N4BP1: variants seen among roughly 807,000 people sequenced by gnomAD.
N4BP1 encodes the protein NEDD4 binding protein 1.
A neutral mutation model predicts 70.9 loss-of-function variants in N4BP1; 21 were observed. The ratio of observed to expected loss-of-function variants is 0.30; its 90% CI spans 0.21 to 0.43. The LOEUF (loss-of-function observed/expected upper bound fraction) is 0.43, where lower values mean the gene tolerates loss of function less well. Among genes scored for constraint, N4BP1 ranks in the 20% least tolerant of loss-of-function variants. The probability of loss-of-function intolerance (pLI) is 1.00; values close to 1 mark genes in which losing one functional copy is unlikely to be tolerated. For synonymous variants in N4BP1, 387 were observed against 394.6 expected, an observed-to-expected ratio of 0.98 and a Z score of 0.23; for missense variants, 936 against 1,069.4, an observed-to-expected ratio of 0.88 and a Z score of 1.74.
At chr16:48,588,984 C>A (rs571816805) in intron 1 of N4BP1, among the ~76,000 whole-genome samples, 2 of 152,098 alleles carry the variant, frequency 1.3e-5, no homozygotes, top group Non-Finnish European at 2.9e-5. Flanking sequence ...CAATGTACAT[C>A]CTAGGAGAAT....
At chr16:48,605,282 G>A (rs570730783) in intron 1 of N4BP1, among the ~76,000 whole-genome samples, 14 of 152,158 alleles carry the variant, frequency 9.2e-5, no homozygotes, top group South Asian at 2.1e-4. Flanking sequence ...CAGACCACTC[G>A]GCATCCCAAA....
At chr16:48,583,172 C>T (rs1597106107) in intron 1 of N4BP1, among the ~76,000 whole-genome samples, 1 of 152,070 alleles carries the variant, frequency 6.6e-6, no homozygotes, top group East Asian at 1.9e-4. Flanking sequence ...GATTCCAGGA[C>T]CCTTTTGCAA....
At chr16:48,608,038 T>A (rs1454331879) in intron 1 of N4BP1, among the ~76,000 whole-genome samples, 2 of 152,182 alleles carry the variant, frequency 1.3e-5, no homozygotes, top group Admixed American at 6.5e-5. Flanking sequence ...ATTTTTTGTA[T>A]TTTTAGTAGA....
chr16:48,542,803 A>T lies in N4BP1; in HGVS notation c.*101T>A, dbSNP rs2151083702. 1 of 1,115,642 alleles carries T rather than the reference A, an allele frequency of 9.0e-7. No individual in the cohort carries two copies. The highest frequency in any genetic ancestry group is 1.6e-5 in the African/African-American group (1 of 64,018). The allele number at this position is 1,115,642 out of a possible 1,614,324, so 69.1% of individuals were successfully genotyped here. A position where few individuals can be genotyped will look rare whatever the true frequency, so the allele number is the denominator to read the frequency against. ...TCTGTACAACTGCGTTTACACTGGGAAATAAGTTTCTTCACATTATGTTCA... is the reference window on the plus strand; with the variant it reads ...TCTGTACAACTGCGTTTACACTGGGTAATAAGTTTCTTCACATTATGTTCA... On this transcript the variant is annotated 3_prime_UTR_variant, in exon 7 of 7. Transcript: ENST00000262384.
At chr16:48,550,903 AG>A (rs2151086137) in intron 4 of N4BP1, among the ~76,000 whole-genome samples, 1 of 152,032 alleles carries the variant, frequency 6.6e-6, no homozygotes, top group East Asian at 1.9e-4. Context: ...GCGTTGACAG[AG>A]TAAGACTCCA....
At chr16:48,567,930 C>G (rs1963966277) in intron 1 of N4BP1, among the ~76,000 whole-genome samples, 1 of 152,126 alleles carries the variant, frequency 6.6e-6, no homozygotes, top group African/African-American at 2.4e-5. Context: ...CTTAAACTCT[C>G]ACATACCAAG....
intron 1 of N4BP1, among the ~76,000 whole-genome samples, chr16:48,597,185 T>G (rs1264439593): frequency 3.9e-5 from 6 of 152,208 alleles, no homozygotes; most frequent in African/African-American, 7.2e-5. Context: ...GCCAGCTCTG[T>G]GTGAATTACT....
In N4BP1 at chr16:48,579,809, G is replaced by A. The variant is rs764108648; in HGVS notation, c.199-17365C>T. 3.3e-5 allele frequency among the ~76,000 whole-genome samples: 5 copies of A among 152,110 alleles called. No individual in the cohort carries two copies. In the East Asian group the frequency reaches 5.8e-4, roughly 18 times the overall value. ...AATGGAAAACCAAAAGAAAGCAGGC[G>A]TAGCTATACTTATATCAGATAAAAT... On this transcript the variant is annotated intron_variant, in intron 1 of 6. Transcript: ENST00000262384.
At chr16:48,596,842 A>G (rs1964421106) in intron 1 of N4BP1, among the ~76,000 whole-genome samples, 1 of 152,232 alleles carries the variant, frequency 6.6e-6, no homozygotes, top group African/African-American at 2.4e-5. Flanking sequence ...GGGGTCATGC[A>G]GCTTTTGGCT....
At chr16:48,552,553 C>T (rs564457155) in intron 3 of N4BP1, among the ~76,000 whole-genome samples, 62 of 151,508 alleles carry the variant, frequency 4.1e-4, no homozygotes, top group South Asian at 1.0e-3. Flanking sequence ...CAAAAATTAG[C>T]CGGGCGTGGT....
chr16:48,553,645 A>G lies in N4BP1; in HGVS notation c.1914T>C (p.Ser638=). ...AITHGLKKFF[S]CRGIAIAVEY... ...CAACTGCAATTGCAATTCCACGACA[A>G]GAAAAGAACTTTTTCAGACCATGGC... is the stretch of plus-strand genomic sequence containing the variant. The change falls in exon 3 of 7, where the codon TCT becomes TCC. Residue 638 remains serine (S), a synonymous_variant. Coordinates refer to ENST00000262384, the MANE Select transcript of N4BP1 (RefSeq NM_153029.4). 6.3e-7 allele frequency: 1 copy of G among 1,594,874 alleles called. No homozygotes were observed. The highest frequency in any genetic ancestry group is 1.2e-5 in the South Asian group (1 of 86,434).
intron 1 of N4BP1, among the ~76,000 whole-genome samples, chr16:48,592,543 T>C (rs1013292442): frequency 2.6e-5 from 4 of 152,186 alleles, no homozygotes; most frequent in African/African-American, 9.6e-5. Context: ...GTGTATGTGT[T>C]GTGTGTGATG....
Position 48,609,969 on chromosome 16 carries a change from C to T in N4BP1, c.4G>A (p.Ala2Thr). 8.2e-7 allele frequency: 1 copy of T among 1,224,478 alleles called. No individual in the cohort carries two copies. Among genetic ancestry groups the T allele is most frequent in the Non-Finnish European group, 1.0e-6 (1 of 981,430 alleles). The allele number at this position is 1,224,478 out of a possible 1,614,324, so 75.9% of individuals were successfully genotyped here. The change falls in exon 1 of 7, where the codon GCG becomes ACG. Residue 2 changes from alanine (A) to threonine (T), a missense_variant. Transcript: ENST00000262384. ...AACTCGTCCAGCACCGCCCGGGCCGCCATGGCGGGCGCGGCCTCCCGCGGC... is the reference window on the plus strand; with the variant it reads ...AACTCGTCCAGCACCGCCCGGGCCGTCATGGCGGGCGCGGCCTCCCGCGGC... M[A>T]ARAVLDEFTA...
intron 1 of N4BP1, among the ~76,000 whole-genome samples, chr16:48,575,978 G>A (rs557386283): frequency 1.7e-4 from 26 of 151,730 alleles, no homozygotes; most frequent in Admixed American, 1.3e-4. Flanking sequence ...ATTAAGGAGG[G>A]ATTTCTAAAA....
intron 1 of N4BP1, among the ~76,000 whole-genome samples, chr16:48,592,126 G>T (rs1160640193): frequency 2.6e-5 from 4 of 152,096 alleles, no homozygotes; most frequent in Non-Finnish European, 5.9e-5. Context: ...CATGGGGGAT[G>T]GGCTAATTAC....
intron 1 of N4BP1, among the ~76,000 whole-genome samples, chr16:48,592,643 AGT>A (rs1163702351): frequency 6.6e-6 from 1 of 152,274 alleles, no homozygotes; most frequent in Non-Finnish European, 1.5e-5. Context: ...CTAATGAGCT[AGT>A]TTAGTTCATA....
At chr16:48,551,808 C>A (rs1963669979) in intron 3 of N4BP1, among the ~76,000 whole-genome samples, 1 of 152,114 alleles carries the variant, frequency 6.6e-6, no homozygotes, top group African/African-American at 2.4e-5. Flanking sequence ...TACTTAAGGT[C>A]AGGAGTTCAA....
intron 1 of N4BP1, chr16:48,578,120 G>T (rs1268935486): frequency 1.2e-5 from 2 of 164,888 alleles, no homozygotes; most frequent in South Asian, 1.4e-4. Flanking sequence ...AAAAGTCAAT[G>T]ATCTTAGACT....
At chr16:48,607,807 A>C (rs1250071601) in intron 1 of N4BP1, among the ~76,000 whole-genome samples, 1 of 152,248 alleles carries the variant, frequency 6.6e-6, no homozygotes, top group Non-Finnish European at 1.5e-5. Flanking sequence ...TGACTAAAAA[A>C]GTTAAGCCCA....
Sources: allele counts gnomAD v4.1 joint callset (sites outside exome capture counted in the v4.1 genomes callset), GRCh38; gene constraint gnomAD v4.1.1; transcripts MANE v1.5; gene names NCBI Gene and HGNC (gene_info 2026-07-23, HGNC 2026-07-21).